GHR: variants seen among roughly 807,000 people sequenced by gnomAD.
GHR encodes the protein growth hormone receptor.
In GHR, 35 loss-of-function variants were observed where a neutral mutation model predicts 67.1. The ratio of observed to expected loss-of-function variants is 0.52; its 90% CI spans 0.40 to 0.69. The LOEUF (loss-of-function observed/expected upper bound fraction) is 0.69, where lower values mean the gene tolerates loss of function less well. Ranked by LOEUF, GHR falls within the 30% of genes least tolerant of loss-of-function variation. GHR has a pLI of 0.00. For synonymous variants in GHR, 272 were observed against 269.1 expected (o/e 1.01, Z -0.10); for missense variants, 792 against 764.6 (o/e 1.04, Z -0.42).
intron 1 of GHR, among the ~76,000 whole-genome samples, chr5:42,474,906 C>T (rs1167026711): frequency 7.8e-5 from 8 of 102,214 alleles, no homozygotes; most frequent in Admixed American, 2.6e-4. Context: ...TTTTTTTAAA[C>T]AGAGTCTCGC....
At chr5:42,670,462 A>G (rs1756217047) in intron 3 of GHR, among the ~76,000 whole-genome samples, 1 of 152,246 alleles carries the variant, frequency 6.6e-6, no homozygotes. Flanking sequence ...TAATCTAGGC[A>G]GAAGTTTCAT....
chr5:42,621,301 C>G (rs914742506), intron 2 of GHR, among the ~76,000 whole-genome samples: 1 of 152,128 alleles, frequency 6.6e-6, no homozygotes, highest in African/African-American at 2.4e-5. Context: ...TGTGAAAACA[C>G]CACCACCAAT....
At chr5:42,503,225 A>G (rs1169092657) in intron 1 of GHR, among the ~76,000 whole-genome samples, 2 of 152,186 alleles carry the variant, frequency 1.3e-5, no homozygotes, top group East Asian at 3.9e-4. Context: ...AGGTTATTGA[A>G]ATACTTTAGG....
intron 1 of GHR, among the ~76,000 whole-genome samples, chr5:42,554,816 T>C (rs575147431): frequency 8.5e-5 from 13 of 152,220 alleles, no homozygotes; most frequent in Non-Finnish European, 1.8e-4. Flanking sequence ...TTTGAATATA[T>C]TGAGTTAAAT....
chr5:42,443,945 A>G (rs1280647266), intron 1 of GHR, among the ~76,000 whole-genome samples: 1 of 148,756 alleles, frequency 6.7e-6, no homozygotes, highest in Non-Finnish European at 1.5e-5. Flanking sequence ...AAGGTGATAT[A>G]GATATAGATA....
intron 1 of GHR, among the ~76,000 whole-genome samples, chr5:42,479,314 A>G (rs1213695327): frequency 6.6e-6 from 1 of 152,118 alleles, no homozygotes; most frequent in Non-Finnish European, 1.5e-5. Flanking sequence ...TTTTTGCATC[A>G]ATGTTCATCA....
chr5:42,600,459 A>T (rs954821875), intron 2 of GHR, among the ~76,000 whole-genome samples: 3 of 152,224 alleles, frequency 2.0e-5, no homozygotes, highest in African/African-American at 4.8e-5. Context: ...CTACTCTGAC[A>T]TGCATCACTC....
At chr5:42,530,872 G>T (rs368706920) in intron 1 of GHR, among the ~76,000 whole-genome samples, 51 of 152,320 alleles carry the variant, frequency 3.3e-4, no homozygotes, top group African/African-American at 1.2e-3. Flanking sequence ...GTTTGTGGGG[G>T]TATCACTGTA....
intron 3 of GHR, among the ~76,000 whole-genome samples, chr5:42,669,201 G>A (rs1431618717): frequency 1.3e-5 from 2 of 152,274 alleles, no homozygotes; most frequent in South Asian, 4.1e-4. Flanking sequence ...GGTGTTCAAT[G>A]TCTGCTGAAT....
chr5:42,594,903 A>G (rs1751986662), intron 2 of GHR, among the ~76,000 whole-genome samples: 1 of 152,090 alleles, frequency 6.6e-6, no homozygotes, highest in African/African-American at 2.4e-5. Context: ...TCCACTGTAC[A>G]CTCATGAAGA....
In GHR at chr5:42,637,963, G is replaced by A. The variant is rs564938675; in HGVS notation, c.136+8860G>A. Among the ~76,000 whole-genome samples the A allele has an allele frequency of 6.0e-5, 9 of 151,074 alleles. No individual in the cohort carries two copies. In the South Asian group the frequency reaches 1.5e-3, roughly 25 times the overall value. ...GTTTGTTTGTTTGTTTGTTTGAGAC[G>A]GAGTCTCGCTTTGTCGCCTGGGCTG... On this transcript the variant is annotated intron_variant, in intron 3 of 9. Transcript: ENST00000230882.
At chr5:42,664,702 A>C (rs112240352) in intron 3 of GHR, among the ~76,000 whole-genome samples, 11,934 of 152,274 alleles carry the variant, frequency 0.078, 540 homozygotes, top group Middle Eastern at 0.15. Flanking sequence ...TTCATGTCTA[A>C]AACACCAAAA....
chr5:42,693,549 T>C (rs1313233638), intron 4 of GHR, among the ~76,000 whole-genome samples: 1 of 152,038 alleles, frequency 6.6e-6, no homozygotes, highest in Non-Finnish European at 1.5e-5. Flanking sequence ...GGAGCAGCTG[T>C]CTCAAGGACC....
chr5:42,707,255 C>G (rs1322930298), intron 6 of GHR, among the ~76,000 whole-genome samples: 6 of 152,022 alleles, frequency 3.9e-5, no homozygotes, highest in Non-Finnish European at 8.8e-5. Flanking sequence ...TGATGTCACA[C>G]TTACATCTTT....
intron 1 of GHR, among the ~76,000 whole-genome samples, chr5:42,499,229 G>A (rs930825167): frequency 3.9e-5 from 6 of 152,168 alleles, no homozygotes; most frequent in African/African-American, 1.4e-4. Flanking sequence ...GGGCACTTGG[G>A]ACTACTGGAT....
intron 1 of GHR, among the ~76,000 whole-genome samples, chr5:42,450,212 T>TTTA (rs1172305240): frequency 6.6e-6 from 1 of 152,192 alleles, no homozygotes; most frequent in African/African-American, 2.4e-5. Context: ...CCAATTCTTC[T>TTTA]TTAAATGTCA....
chr5:42,443,397 G>A (rs192561067), intron 1 of GHR, among the ~76,000 whole-genome samples: 4 of 152,236 alleles, frequency 2.6e-5, no homozygotes, highest in East Asian at 1.9e-4. Context: ...TTTATGAAAT[G>A]TGTAGGGCTT....
intron 3 of GHR, among the ~76,000 whole-genome samples, chr5:42,675,735 A>G (rs1345440079): frequency 6.6e-6 from 1 of 152,250 alleles, no homozygotes; most frequent in Non-Finnish European, 1.5e-5. Flanking sequence ...ATAGTAGTAT[A>G]TGTGCAATTA....
chr5:42,683,650 C>T (rs1756996754), intron 3 of GHR, among the ~76,000 whole-genome samples: 1 of 141,886 alleles, frequency 7.0e-6, no homozygotes, highest in African/African-American at 2.4e-5. Flanking sequence ...TTAAAAAAGC[C>T]GGAAAGAGAG....
Sources: gnomAD v4.1 joint callset for allele counts (sites outside exome capture counted in the v4.1 genomes callset) on GRCh38, gnomAD v4.1.1 for gene constraint, MANE v1.5 for transcripts, NCBI Gene and HGNC (gene_info 2026-07-23, HGNC 2026-07-21) for gene names.